Variants in ATF7IP observed in about 807,000 individuals in gnomAD.
The protein encoded by ATF7IP is activating transcription factor 7-interacting protein 1.
Under a neutral mutation model 106.4 loss-of-function variants are expected in ATF7IP, and 23 were observed. That is an observed-to-expected ratio of 0.22 (90% CI 0.16 to 0.31). The LOEUF (loss-of-function observed/expected upper bound fraction) is 0.31. ATF7IP is among the 10% of genes least tolerant of loss of function. The pLI is 1.00. For missense variants in ATF7IP, 1,334 were observed against 1,524.3 expected (o/e 0.88, Z 2.08); for synonymous variants, 542 against 539.0 (o/e 1.01, Z -0.08).
At chr12:14,427,021 G>A (rs964088597) in intron 2 of ATF7IP, among the ~76,000 whole-genome samples, 12 of 152,036 alleles carry the variant, frequency 7.9e-5, no homozygotes, top group Non-Finnish European at 1.5e-4. Context: ...ATGTTAAATT[G>A]GCATTCTGGG....
rs532819292 is a variant in ATF7IP at position 14,446,021 on chromosome 12, T to C, written c.1930-967T>C. On this transcript the variant is annotated intron_variant, in intron 5 of 14. Transcript: ENST00000261168. ...TTTTTCTTTTTGTTCTGCTTTTTTT[T>C]CCCTCAGATTTCCTTTCAATATGTA... Among the ~76,000 whole-genome samples the C allele has an allele frequency of 1.2e-4, 19 of 152,330 alleles. No homozygotes were observed. In the South Asian group the frequency reaches 2.1e-3, roughly 17 times the overall value.
intron 10 of ATF7IP, among the ~76,000 whole-genome samples, chr12:14,469,527 T>C (rs1943960314): frequency 6.6e-6 from 1 of 151,566 alleles, no homozygotes; most frequent in Non-Finnish European, 1.5e-5. Context: ...GCATATAATT[T>C]ATTATTGTAT....
intron 10 of ATF7IP, 96 bp downstream of exon 10, chr12:14,466,686 T>C (rs1010501857): frequency 1.0e-6 from 1 of 991,458 alleles, no homozygotes; most frequent in African/African-American, 1.7e-5. Context: ...AATTGTTCTA[T>C]GTGTGTTTTT....
At chr12:14,401,353 C>G (rs548590992) in intron 1 of ATF7IP, among the ~76,000 whole-genome samples, 2 of 151,906 alleles carry the variant, frequency 1.3e-5, no homozygotes, top group Non-Finnish European at 2.9e-5. Context: ...TCTGCCACCA[C>G]GCCCGGCTAA....
intron 1 of ATF7IP, among the ~76,000 whole-genome samples, chr12:14,381,469 G>A (rs1938999077): frequency 6.6e-6 from 1 of 152,084 alleles, no homozygotes; most frequent in Non-Finnish European, 1.5e-5. Flanking sequence ...GGCCTTGAGT[G>A]GTCTGCCCAC....
At chr12:14,483,088 A>C (rs112731443) in intron 13 of ATF7IP, among the ~76,000 whole-genome samples, 1 of 152,206 alleles carries the variant, frequency 6.6e-6, no homozygotes, top group African/African-American at 2.4e-5. Flanking sequence ...TGAGTTGGCA[A>C]CTGGTCACAT....
intron 6 of ATF7IP, among the ~76,000 whole-genome samples, chr12:14,450,298 G>C (rs1479706123): frequency 6.6e-6 from 1 of 152,162 alleles, no homozygotes; most frequent in Admixed American, 6.5e-5. Context: ...TGTTAACCAT[G>C]GAGTTTTCAT....
intron 13 of ATF7IP, among the ~76,000 whole-genome samples, chr12:14,487,706 TTCTC>T (rs1184321035): frequency 6.6e-6 from 1 of 152,210 alleles, no homozygotes; most frequent in Non-Finnish European, 1.5e-5. Flanking sequence ...TTTCAGCTCT[TTCTC>T]TATAGGAGAT....
chr12:14,424,920 G>T lies in ATF7IP; in HGVS notation c.1005G>T (p.Leu335Phe). 1.2e-6 allele frequency: 2 copies of T among 1,604,874 alleles called. No homozygotes were observed. Among genetic ancestry groups the T allele is most frequent in the Non-Finnish European group, 1.7e-6 (2 of 1,177,750 alleles). ...KLEQIQSKDS[L>F]DEKNKADNNI... ...AGCAAATTCAGAGTAAAGACTCATTGGATGAGAAAAATAAAGCTGATAATA... is the reference window on the plus strand; with the variant it reads ...AGCAAATTCAGAGTAAAGACTCATTTGATGAGAAAAATAAAGCTGATAATA... Residue 335 changes from leucine (L) to phenylalanine (F), a missense_variant, in exon 2 of 15, where the codon TTG (leucine) becomes TTT (phenylalanine). By Grantham distance (22) the Leu-to-Phe change is conservative. Transcript: ENST00000261168.
intron 1 of ATF7IP, among the ~76,000 whole-genome samples, chr12:14,392,662 A>C (rs1488502503): frequency 2.6e-5 from 4 of 152,188 alleles, no homozygotes; most frequent in Non-Finnish European, 5.9e-5. Context: ...ATACTTAAGG[A>C]TTGTGAATGC....
chr12:14,481,227 T>G (rs1944418279), intron 13 of ATF7IP, 42 bp downstream of exon 13: 1 of 1,602,828 alleles, frequency 6.2e-7, no homozygotes, highest in Non-Finnish European at 8.5e-7. Flanking sequence ...ATACATGTAG[T>G]TCTCTTCAGC....
intron 1 of ATF7IP, among the ~76,000 whole-genome samples, chr12:14,404,989 CT>C (rs1233535528): frequency 6.6e-6 from 1 of 152,100 alleles, no homozygotes; most frequent in East Asian, 1.9e-4. Flanking sequence ...ATATATTAAA[CT>C]TTTTTTAATC....
intron 1 of ATF7IP, among the ~76,000 whole-genome samples, chr12:14,370,827 G>A (rs1039743439): frequency 6.6e-6 from 1 of 151,850 alleles, no homozygotes; most frequent in African/African-American, 2.4e-5. Context: ...GAAGTTAGAC[G>A]TGGGAAAAAT....
rs574831644 is a variant in ATF7IP at position 14,488,935 on chromosome 12, A to G, written c.3281-7296A>G. Among the ~76,000 whole-genome samples the G allele has an allele frequency of 1.2e-4, 18 of 152,316 alleles. No individual in the cohort carries two copies. The South Asian group carries it at 2.5e-3, about 21-fold the overall frequency. ...TGCACAAACATGTTTTTAGCAAAAG[A>G]AGGAGGAAATACTCATGACAATTAC... is the stretch of plus-strand genomic sequence containing the variant. On this transcript the variant is annotated intron_variant, in intron 13 of 14. Coordinates refer to ENST00000261168, the MANE Select transcript of ATF7IP (RefSeq NM_018179.5).
chr12:14,424,472 C>T lies in ATF7IP; in HGVS notation c.557C>T (p.Pro186Leu). Residue 186 changes from proline to leucine, a missense_variant, in exon 2 of 15, where the codon CCT becomes CTT. Physicochemically the swap from Pro to Leu is moderately conservative, Grantham distance 98. Around this residue, in one of 10 missense-constraint regions of ATF7IP, gnomAD observed 438 missense variants for 405.3 expected, o/e 1.08. Transcript: ENST00000261168. ...SGDAPSGDVSPGDATSGDATA... is the reference protein window; with the variant it reads ...SGDAPSGDVSLGDATSGDATA... ...GATGCCCCTTCTGGTGATGTGTCCCCTGGTGATGCCACCTCTGGTGATGCC... is the reference window on the plus strand; with the variant it reads ...GATGCCCCTTCTGGTGATGTGTCCCTTGGTGATGCCACCTCTGGTGATGCC... 1.9e-6 allele frequency: 3 copies of T among 1,613,682 alleles called. No individual in the cohort carries two copies. The highest frequency in any genetic ancestry group is 2.5e-6 in the Non-Finnish European group (3 of 1,179,802).
chr12:14,443,756 A>T (rs549642462), intron 5 of ATF7IP, among the ~76,000 whole-genome samples: 1 of 152,336 alleles, frequency 6.6e-6, no homozygotes, highest in South Asian at 2.1e-4. Flanking sequence ...ATGAGTAACA[A>T]TTGGTAAGTG....
At chr12:14,493,286 TAAAG>T (rs1591976859) in intron 13 of ATF7IP, among the ~76,000 whole-genome samples, 1 of 152,214 alleles carries the variant, frequency 6.6e-6, no homozygotes, top group Non-Finnish European at 1.5e-5. Context: ...ATATTTGAAT[TAAAG>T]AACTCAAAAC....
intron 10 of ATF7IP, among the ~76,000 whole-genome samples, chr12:14,474,472 C>T (rs1340397620): frequency 6.6e-6 from 1 of 151,186 alleles, no homozygotes; most frequent in Non-Finnish European, 1.5e-5. Context: ...GCAATCTCAG[C>T]TCACTGCAAC....
Position 14,438,276 on chromosome 12 carries a change from A to G in ATF7IP, c.1929+9A>G, listed in dbSNP as rs1942508500. 1 of 1,608,460 alleles carries G rather than the reference A, an allele frequency of 6.2e-7. No individual in the cohort carries two copies. The highest frequency in any genetic ancestry group is 8.5e-7 in the Non-Finnish European group (1 of 1,177,118). On this transcript the variant is annotated intron_variant, in intron 5 of 14. Coordinates refer to ENST00000261168, the MANE Select transcript of ATF7IP (RefSeq NM_018179.5). ...TTCTCACTGAACTACAGGTTTGTAC[A>G]TTGACTTGAGTTGTATACTCCATGT...
Sources: allele counts gnomAD v4.1 joint callset (sites outside exome capture counted in the v4.1 genomes callset), GRCh38; gene constraint gnomAD v4.1.1; regional missense constraint gnomAD v4.1.1; transcripts MANE v1.5; gene names NCBI Gene and HGNC (gene_info 2026-07-23, HGNC 2026-07-21).